NLRC5: variants seen among roughly 807,000 people sequenced by gnomAD.
NLRC5 encodes the protein NLR family CARD domain containing 5.
Under a neutral mutation model 206.9 loss-of-function variants are expected in NLRC5, and 114 were observed. The ratio of observed to expected loss-of-function variants is 0.55; its 90% CI spans 0.47 to 0.64. The LOEUF is 0.64. Ranked by LOEUF, NLRC5 falls within the 30% of genes least tolerant of loss-of-function variation. The pLI is 0.00. For synonymous variants in NLRC5, 952 were observed against 962.8 expected, an observed-to-expected ratio of 0.99 and a Z score of 0.21; for missense variants, 2,008 against 2,305.5, an observed-to-expected ratio of 0.87 and a Z score of 2.64.
chr16:57,072,618 G>A (rs1224011024), intron 38 of NLRC5, among the ~76,000 whole-genome samples: 5 of 150,422 alleles, frequency 3.3e-5, no homozygotes, highest in African/African-American at 1.2e-4. Context: ...ACAGGTCCCC[G>A]TCCTGCACAG....
In NLRC5 at chr16:57,058,993, T is replaced by G; in HGVS notation, c.3852T>G (p.Ser1284=). Residue 1284 remains serine, a synonymous_variant, in exon 29 of 49, where the codon TCT becomes TCG. Coordinates refer to ENST00000688547, the MANE Select transcript of NLRC5 (RefSeq NM_001384950.1). The part of the protein sequence containing the change: ...GLLDLSHNSI[S]QESALYLLET... Reference sequence around the variant, plus strand: ...CTAGTCTGAGTCACAACAGCATTTCTCAGGAAAGTGCCCTGTACCTGCTGG... The same window carrying G: ...CTAGTCTGAGTCACAACAGCATTTCGCAGGAAAGTGCCCTGTACCTGCTGG... 1 of 1,614,186 alleles carries G rather than the reference T, an allele frequency of 6.2e-7. No homozygotes were observed. Among genetic ancestry groups the G allele is most frequent in the Non-Finnish European group, 8.5e-7 (1 of 1,180,010 alleles).
intron 16 of NLRC5, 21 bp from the exon 17 acceptor site, chr16:57,040,629 G>A (rs370203791): frequency 1.2e-6 from 2 of 1,613,512 alleles, no homozygotes; most frequent in Non-Finnish European, 1.7e-6. Context: ...GCTCAGCCTG[G>A]CCTTGGTGAT....
chr16:57,081,207 G>A, intron 47 of NLRC5, 26 bp downstream of exon 47: 2 of 1,535,846 alleles, frequency 1.3e-6, no homozygotes, highest in Non-Finnish European at 1.7e-6. Context: ...GGAGGAATGG[G>A]ACGGGCTAAA....
At chr16:57,051,807 A>G (rs1597366899) in intron 24 of NLRC5, among the ~76,000 whole-genome samples, 186 bp downstream of exon 24, 2 of 145,890 alleles carry the variant, frequency 1.4e-5, no homozygotes, top group Middle Eastern at 7.2e-3. Context: ...TGGGGACTCC[A>G]ATCTGCTTCC....
At chr16:57,062,134 G>C in intron 32 of NLRC5, 1 of 943,612 alleles carries the variant, frequency 1.1e-6, no homozygotes, top group Non-Finnish European at 1.5e-6. Context: ...TTTTATATTT[G>C]CTTCTATTTT....
intron 13 of NLRC5, among the ~76,000 whole-genome samples, chr16:57,035,392 C>T (rs2062423477): frequency 6.6e-6 from 1 of 152,090 alleles, no homozygotes. Context: ...TCCCACTGCT[C>T]AGGATAAAAC....
intron 12 of NLRC5, 39 bp from the exon 13 acceptor site, chr16:57,034,129 G>A (rs780013114): frequency 1.3e-5 from 21 of 1,574,834 alleles, no homozygotes; most frequent in Non-Finnish European, 1.7e-5. Context: ...AGTAGGGGCT[G>A]TTTGCCCTGA....
intron 38 of NLRC5, among the ~76,000 whole-genome samples, chr16:57,071,368 G>A (rs1421124448): frequency 1.4e-5 from 2 of 146,870 alleles, no homozygotes; most frequent in African/African-American, 5.0e-5. Context: ...AATGGGGAAG[G>A]GGGTGAGTGA....
intron 1 of NLRC5, among the ~76,000 whole-genome samples, chr16:57,008,611 T>A (rs1266601028): frequency 6.6e-6 from 1 of 152,180 alleles, no homozygotes; most frequent in African/African-American, 2.4e-5. Flanking sequence ...CAAAAACTAA[T>A]AAGAAAGCCT....
In NLRC5 at chr16:57,081,509, T is replaced by C. The variant is rs374633437; in HGVS notation, c.5406-18T>C. The C allele has an allele frequency of 3.7e-6, 6 of 1,612,220 alleles. No homozygotes were observed. Among genetic ancestry groups the C allele is most frequent in the Non-Finnish European group, 5.1e-6 (6 of 1,178,546 alleles). On this transcript the variant is annotated intron_variant, in intron 47 of 48. Coordinates refer to ENST00000688547, the MANE Select transcript of NLRC5 (RefSeq NM_001384950.1). ...GGCCGTGTTTCTCTTTCCCCTCCCC[T>C]CACTGTCCACTGAGAAGCCTGGAGA...
chr16:57,045,394 C>T, intron 20 of NLRC5, 54 bp from the exon 21 acceptor site: 2 of 1,602,964 alleles, frequency 1.2e-6, no homozygotes, highest in African/African-American at 1.3e-5. Flanking sequence ...TTGCCACTGC[C>T]AGGGAAGTTG....
chr16:57,024,669 G>A (rs1327420200), intron 5 of NLRC5, among the ~76,000 whole-genome samples: 8 of 152,302 alleles, frequency 5.3e-5, no homozygotes, highest in African/African-American at 7.2e-5. Context: ...ATATTGGGAA[G>A]AGGCACTGGG....
chr16:57,069,827 C>T lies in NLRC5; in HGVS notation c.4500-9C>T, dbSNP rs1597434141. ...CCTGCCTGACCTGTTGCCCTTTGAC[C>T]CCCACCAGGCTGACCTCCAGCTGTG... On this transcript the variant is annotated splice_polypyrimidine_tract_variant and intron_variant, in intron 36 of 48. Coordinates refer to ENST00000688547, the MANE Select transcript of NLRC5 (RefSeq NM_001384950.1). 6.2e-7 allele frequency: 1 copy of T among 1,600,528 alleles called. No homozygotes were observed. Among genetic ancestry groups the T allele is most frequent in the Non-Finnish European group, 8.5e-7 (1 of 1,174,366 alleles).
chr16:57,025,251 C>T (rs1232889897), intron 5 of NLRC5, 117 bp from the exon 6 acceptor site: 2 of 1,461,088 alleles, frequency 1.4e-6, no homozygotes, highest in Non-Finnish European at 1.8e-6. Context: ...CCACCCTCAC[C>T]CCATCATACA....
intron 1 of NLRC5, among the ~76,000 whole-genome samples, chr16:57,014,618 G>C (rs769808558): frequency 2.0e-5 from 3 of 152,184 alleles, no homozygotes; most frequent in Non-Finnish European, 2.9e-5. Context: ...TGTACATAAA[G>C]TGCTGTTGTT....
chr16:57,042,174 A>C (rs2063365061), intron 19 of NLRC5, 109 bp downstream of exon 19: 1 of 645,566 alleles, frequency 1.5e-6, no homozygotes, highest in Non-Finnish European at 2.4e-6. Flanking sequence ...CGGAAAATGC[A>C]TGAAAATTGC....
chr16:57,062,087 A>T (rs917146370), intron 32 of NLRC5: 17 of 1,229,384 alleles, frequency 1.4e-5, no homozygotes, highest in Admixed American at 7.9e-5. Context: ...TAAAACTCCT[A>T]TTCCCAGAAC....
Position 57,034,434 on chromosome 16 carries a change from T to G in NLRC5, c.2627+183T>G, listed in dbSNP as rs2062264790. 5.0e-5 allele frequency: 30 copies of G among 603,774 alleles called. 1 individual carries two copies. The South Asian group carries it at 5.8e-4, about 12-fold the overall frequency. 37.4% of individuals were successfully genotyped at this position (603,774 alleles called of 1,614,324 possible). On this transcript the variant is annotated intron_variant, in intron 13 of 48. Coordinates refer to ENST00000688547, the MANE Select transcript of NLRC5 (RefSeq NM_001384950.1). ...ACTTGTCCCGGGTCAGGTGCTGTGC[T>G]AGGGACTGTACATGCCTCCTCGCAT...
chr16:57,032,776 G>A (rs368265560), intron 11 of NLRC5, among the ~76,000 whole-genome samples: 5 of 148,448 alleles, frequency 3.4e-5, no homozygotes, highest in Middle Eastern at 7.1e-3. Context: ...GGGCAGGATC[G>A]CTTGAAGCTA....
Sources: allele counts gnomAD v4.1 joint callset (sites outside exome capture counted in the v4.1 genomes callset), GRCh38; gene constraint gnomAD v4.1.1; transcripts MANE v1.5; gene names NCBI Gene and HGNC (gene_info 2026-07-23, HGNC 2026-07-21).